UTRN: variants seen among roughly 807,000 people sequenced by gnomAD.
The protein encoded by UTRN is dystrophin-related protein 1.
In UTRN, 283 loss-of-function variants were observed where a neutral mutation model predicts 463.9. The observed-to-expected ratio is 0.61, with a 90% CI of 0.55 to 0.67. UTRN has a LOEUF of 0.67. Among genes scored for constraint, UTRN ranks in the 30% least tolerant of loss-of-function variants. UTRN has a pLI of 0.00. For synonymous variants in UTRN, 1,442 were observed against 1,431.5 expected (o/e 1.01, Z -0.17); for missense variants, 3,922 against 4,084.3 (o/e 0.96, Z 1.08).
rs547841016 is a variant in UTRN, at chr6:144,619,659, T to C, written c.7479+42371T>C. ...TGGAATTTGGTTGGGTTTGTCAAAA[T>C]GTGTCAAAAATGTGAAATATCCCAG... On this transcript the variant is annotated intron_variant, in intron 51 of 74. Transcript: ENST00000367545. Among the ~76,000 whole-genome samples the C allele has an allele frequency of 2.0e-5, 3 of 152,294 alleles. No homozygotes were observed. In the South Asian group the frequency reaches 6.2e-4, roughly 32 times the overall value.
chr6:144,405,403 C>T lies in UTRN; in HGVS notation c.141+2219C>T, dbSNP rs550504187. ...TTCTAGACTGGGAGATTTCCATAGA[C>T]TCCCATGTGGCTTAACTCTTGCTGA... On this transcript the variant is annotated intron_variant, in intron 3 of 74. Coordinates refer to ENST00000367545, the MANE Select transcript of UTRN (RefSeq NM_007124.3). 5.3e-5 allele frequency among the ~76,000 whole-genome samples: 8 copies of T among 152,194 alleles called. No homozygotes were observed. In the South Asian group the frequency reaches 1.5e-3, roughly 28 times the overall value.
At chr6:144,435,229 C>T (rs969717194) in intron 9 of UTRN, among the ~76,000 whole-genome samples, 11 of 152,254 alleles carry the variant, frequency 7.2e-5, no homozygotes, top group African/African-American at 1.9e-4. Context: ...GGCAAGTCTT[C>T]AAGAAATCTT....
chr6:144,489,605 T>C (rs940391439), intron 30 of UTRN, among the ~76,000 whole-genome samples: 1 of 152,044 alleles, frequency 6.6e-6, no homozygotes, highest in African/African-American at 2.4e-5. Flanking sequence ...GGCCATATTA[T>C]TATTATTATA....
intron 51 of UTRN, among the ~76,000 whole-genome samples, chr6:144,582,455 G>A (rs569912414): frequency 3.3e-5 from 5 of 152,186 alleles, no homozygotes; most frequent in African/African-American, 1.2e-4. Context: ...TAGAGAATAT[G>A]TCTCAAGTGT....
chr6:144,383,981 CTT>C (rs1292331351), intron 2 of UTRN, among the ~76,000 whole-genome samples: 1 of 152,086 alleles, frequency 6.6e-6, no homozygotes, highest in Non-Finnish European at 1.5e-5. Context: ...AAATTAATCT[CTT>C]TTCTTCAAAA....
intron 25 of UTRN, 144 bp from the exon 26 acceptor site, chr6:144,479,668 G>A: frequency 1.1e-6 from 1 of 914,768 alleles, no homozygotes; most frequent in Non-Finnish European, 1.6e-6. Context: ...GCGTTAGCAT[G>A]AGATGTATGA....
At chr6:144,448,504 A>C (rs1262930982) in intron 16 of UTRN, 96 bp from the exon 17 acceptor site, 4 of 1,355,158 alleles carry the variant, frequency 3.0e-6, no homozygotes, top group Non-Finnish European at 3.1e-6. Flanking sequence ...AATAACCATT[A>C]AATTGTGTAT....
At chr6:144,748,098 T>A in intron 54 of UTRN, 148 bp from the exon 55 acceptor site, 1 of 982,754 alleles carries the variant, frequency 1.0e-6, no homozygotes, top group Non-Finnish European at 1.4e-6. Context: ...GGAGAAATTC[T>A]TTCTTACCCT....
chr6:144,542,902 T>A lies in UTRN; in HGVS notation c.6595+32T>A, dbSNP rs201647879. On this transcript the variant is annotated intron_variant, in intron 46 of 74. Transcript: ENST00000367545. ...TATGTTTATCTTTAACAAAGTTTTT[T>A]AAAAAATCAGTATGTAAAATTTTGT... 553 of 1,575,398 alleles carry A rather than the reference T, an allele frequency of 3.5e-4. 3 individuals are homozygous for A. The African/African-American group carries it at 6.1e-3, about 17-fold the overall frequency.
Position 144,714,645 on chromosome 6 carries a change from G to A in UTRN, c.7809+14402G>A, listed in dbSNP as rs533805753. On this transcript the variant is annotated intron_variant, in intron 53 of 74. Transcript: ENST00000367545. The stretch of plus-strand genomic sequence containing the variant: ...TAGCCAGACCTGCTTGCATTGCGAA[G>A]AACATTAACATATATATTCTGACAC... Among the ~76,000 whole-genome samples, 3 of 152,280 alleles carry A rather than the reference G, an allele frequency of 2.0e-5. No homozygotes were observed. In the South Asian group the frequency reaches 6.2e-4, roughly 32 times the overall value.
intron 51 of UTRN, among the ~76,000 whole-genome samples, chr6:144,663,362 C>T (rs1449887787): frequency 6.6e-6 from 1 of 152,132 alleles, no homozygotes; most frequent in Non-Finnish European, 1.5e-5. Flanking sequence ...ACACACCTCT[C>T]TGAGATCCAG....
At chr6:144,627,510 A>G (rs1056960125) in intron 51 of UTRN, among the ~76,000 whole-genome samples, 4 of 152,198 alleles carry the variant, frequency 2.6e-5, no homozygotes, top group Non-Finnish European at 4.4e-5. Flanking sequence ...AATCAGTGGC[A>G]TTAGAAACAT....
chr6:144,694,973 CTT>C lies in UTRN; in HGVS notation c.7653-5101_7653-5100del, dbSNP rs66962922. Among the ~76,000 whole-genome samples, 92 of 138,458 alleles carry C rather than the reference CTT, an allele frequency of 6.6e-4. 1 individual carries two copies. In the Middle Eastern group the frequency reaches 0.011, roughly 16 times the overall value. The allele number at this position is 138,458 out of a possible 152,430, so 90.8% of individuals were successfully genotyped here. On this transcript the variant is annotated intron_variant, in intron 52 of 74. Transcript: ENST00000367545. ...CCCAAATTCTCTCTCTGCAGGTGGC[CTT>C]TTTTTTTTTTTTGAGAGTGAGGCTA...
intron 52 of UTRN, among the ~76,000 whole-genome samples, chr6:144,695,244 C>T (rs927292367): frequency 2.0e-5 from 3 of 152,082 alleles, no homozygotes; most frequent in Non-Finnish European, 2.9e-5. Context: ...ACTTCTTTGA[C>T]CATGGTGTGG....
At chr6:144,618,987 T>C (rs1233089739) in intron 51 of UTRN, among the ~76,000 whole-genome samples, 1 of 152,146 alleles carries the variant, frequency 6.6e-6, no homozygotes, top group Non-Finnish European at 1.5e-5. Context: ...AAATTGACCA[T>C]GCATAACTTT....
rs1775865734 is a variant in UTRN at position 144,781,909 on chromosome 6, C to G, written c.8633-13C>G. 1.9e-6 allele frequency: 3 copies of G among 1,607,148 alleles called. No homozygotes were observed. Among genetic ancestry groups the G allele is most frequent in the East Asian group, 4.5e-5 (2 of 44,736 alleles). On this transcript the variant is annotated splice_polypyrimidine_tract_variant and intron_variant, in intron 60 of 74. Transcript: ENST00000367545. ...GTAATGACTGTAAACATTCCTTCTT[C>G]TCTCCTGGTTAGTGGATCTCTTAGA... is the stretch of plus-strand genomic sequence containing the variant.
Position 144,499,249 on chromosome 6 carries a change from C to T in UTRN, c.4594-8C>T, listed in dbSNP as rs41285039. ...GTCTCAGTCTCTCCCTGCCTCTCTC[C>T]GTCTCAGGTGACAGAAGGAAAACAG... On this transcript the variant is annotated splice_polypyrimidine_tract_variant and splice_region_variant and intron_variant, in intron 33 of 74. Coordinates refer to ENST00000367545, the MANE Select transcript of UTRN (RefSeq NM_007124.3). 4.9e-3 allele frequency: 7,961 copies of T among 1,608,876 alleles called. 57 individuals carry two copies. The highest frequency in any genetic ancestry group is 0.013 in the Middle Eastern group (81 of 6,008).
Position 144,668,087 on chromosome 6 carries a change from T to C in UTRN, c.7480-10319T>C, listed in dbSNP as rs192004465. Among the ~76,000 whole-genome samples the C allele has an allele frequency of 1.2e-4, 18 of 152,326 alleles. No individual in the cohort carries two copies. In the East Asian group the frequency reaches 3.3e-3, roughly 28 times the overall value. Reference sequence around the variant, plus strand: ...CCATAAATCTTGCAGGAGCTGTCTATTAAACTTTGTGTTCATCTCACCCAG... The same window carrying C: ...CCATAAATCTTGCAGGAGCTGTCTACTAAACTTTGTGTTCATCTCACCCAG... On this transcript the variant is annotated intron_variant, in intron 51 of 74. Coordinates refer to ENST00000367545, the MANE Select transcript of UTRN (RefSeq NM_007124.3).
chr6:144,606,074 A>G (rs1029612479), intron 51 of UTRN, among the ~76,000 whole-genome samples: 7 of 152,166 alleles, frequency 4.6e-5, no homozygotes. Context: ...CCAAATGGAA[A>G]TATATTCTAA....
Sources: gnomAD v4.1 joint callset for allele counts (sites outside exome capture counted in the v4.1 genomes callset) on GRCh38, gnomAD v4.1.1 for gene constraint, MANE v1.5 for transcripts, NCBI Gene and HGNC (gene_info 2026-07-23, HGNC 2026-07-21) for gene names.